PDE11A: variants seen among roughly 807,000 people sequenced by gnomAD.
PDE11A encodes the protein phosphodiesterase 11A, also known as dual 3',5'-cyclic-AMP and -GMP phosphodiesterase 11A.
PDE11A carries 100 observed loss-of-function variants against 100.5 expected under a neutral mutation model. The observed-to-expected ratio is 1.00, with a 90% CI of 0.85 to 1.18. The LOEUF (loss-of-function observed/expected upper bound fraction) is 1.18, where lower values mean the gene tolerates loss of function less well. PDE11A is among the 50% of genes most tolerant of loss of function. PDE11A has a pLI of 0.00. For missense variants in PDE11A, 1,141 were observed against 1,152.6 expected, an observed-to-expected ratio of 0.99 and a Z score of 0.15; for synonymous variants, 381 against 420.8, an observed-to-expected ratio of 0.91 and a Z score of 1.16.
chr2:177,820,866 G>A (rs971278523), intron 6 of PDE11A, among the ~76,000 whole-genome samples: 1 of 151,808 alleles, frequency 6.6e-6, no homozygotes, highest in African/African-American at 2.4e-5. Context: ...TATGTCAGGA[G>A]GTGACATTTA....
At chr2:177,761,831 A>T (rs1438997356) in intron 10 of PDE11A, among the ~76,000 whole-genome samples, 2 of 152,242 alleles carry the variant, frequency 1.3e-5, no homozygotes, top group Non-Finnish European at 2.9e-5. Flanking sequence ...AGGCTGGAAA[A>T]GTGAGCTGAA....
intron 2 of PDE11A, among the ~76,000 whole-genome samples, chr2:178,083,981 T>C (rs997763281): frequency 2.0e-5 from 3 of 152,226 alleles, no homozygotes; most frequent in Non-Finnish European, 4.4e-5. Context: ...TATGTATCAA[T>C]AGCCAATAGC....
chr2:177,895,263 C>A (rs2084592162), intron 4 of PDE11A, among the ~76,000 whole-genome samples: 1 of 151,932 alleles, frequency 6.6e-6, no homozygotes, highest in Non-Finnish European at 1.5e-5. Context: ...TTAAAAAATG[C>A]TATTCTGGGC....
At chr2:178,048,268 C>G (rs16866034) in intron 1 of PDE11A, among the ~76,000 whole-genome samples, 2,888 of 152,030 alleles carry the variant, frequency 0.019, 53 homozygotes, top group East Asian at 0.091. Context: ...AAGGTAACAC[C>G]TAGGGTTCTG....
intron 15 of PDE11A, chr2:177,683,488 G>A (rs1219204781): frequency 7.9e-5 from 12 of 152,340 alleles, no homozygotes; most frequent in East Asian, 1.9e-4. Context: ...CGAGCTCCCC[G>A]GAGAATCTCC....
chr2:178,061,168 GTGACTATTCTTAAGGCAGTATACGGTTC>G (rs1406555188), intron 1 of PDE11A, among the ~76,000 whole-genome samples: 1 of 151,896 alleles, frequency 6.6e-6, no homozygotes, highest in Non-Finnish European at 1.5e-5. Flanking sequence ...TGGAGAAGTT[GTGACTATTCTTAAGGCAGTATACGGTTC>G]TTGCCAAATT....
chr2:177,785,566 G>A (rs1022497962), intron 9 of PDE11A, among the ~76,000 whole-genome samples: 10 of 152,186 alleles, frequency 6.6e-5, no homozygotes, highest in African/African-American at 2.2e-4. Context: ...CCATGCATGA[G>A]CCGAAGTAGG....
chr2:177,795,579 G>T (rs1422020820), intron 9 of PDE11A, among the ~76,000 whole-genome samples: 1 of 152,118 alleles, frequency 6.6e-6, no homozygotes, highest in Non-Finnish European at 1.5e-5. Flanking sequence ...AAGACCTTCT[G>T]AAATGCCTTC....
intron 4 of PDE11A, among the ~76,000 whole-genome samples, chr2:177,880,352 C>A (rs571758327): frequency 6.6e-6 from 1 of 152,090 alleles, no homozygotes; most frequent in Non-Finnish European, 1.5e-5. Flanking sequence ...GCAGGTCAAC[C>A]CTATTTTTGT....
At chr2:177,802,432 A>G (rs1047353278) in intron 9 of PDE11A, among the ~76,000 whole-genome samples, 37 of 152,114 alleles carry the variant, frequency 2.4e-4, no homozygotes, top group Admixed American at 6.6e-4. Context: ...TTATTCACAC[A>G]GCCCCAAAAT....
chr2:177,848,610 G>T (rs1219452342), intron 5 of PDE11A, among the ~76,000 whole-genome samples: 1 of 152,132 alleles, frequency 6.6e-6, no homozygotes, highest in African/African-American at 2.4e-5. Context: ...AGAGCTTCAT[G>T]AGCTCAAATA....
chr2:177,706,675 A>G (rs2081284568), intron 13 of PDE11A, among the ~76,000 whole-genome samples: 1 of 152,202 alleles, frequency 6.6e-6, no homozygotes, highest in South Asian at 2.1e-4. Flanking sequence ...AGGTAGGTGC[A>G]GTGCCCCTGA....
At chr2:178,084,203 C>G (rs1047421044) in intron 2 of PDE11A, among the ~76,000 whole-genome samples, 12 of 152,200 alleles carry the variant, frequency 7.9e-5, no homozygotes, top group Non-Finnish European at 1.8e-4. Context: ...AAAATTAACA[C>G]TCCAAGGTAA....
At chr2:177,648,002 C>T (rs1035942195) in intron 19 of PDE11A, among the ~76,000 whole-genome samples, 1 of 152,046 alleles carries the variant, frequency 6.6e-6, no homozygotes, top group Non-Finnish European at 1.5e-5. Context: ...ATCCTAGCTA[C>T]TCAGGAGGCT....
intron 2 of PDE11A, among the ~76,000 whole-genome samples, chr2:178,009,911 A>G (rs1355537659): frequency 6.6e-6 from 1 of 152,208 alleles, no homozygotes; most frequent in African/African-American, 2.4e-5. Flanking sequence ...CAGGACATAC[A>G]AATCATATTA....
At chr2:177,798,566 T>C (rs17400931) in intron 9 of PDE11A, among the ~76,000 whole-genome samples, 24,450 of 152,216 alleles carry the variant, frequency 0.16, 2,493 homozygotes, top group Middle Eastern at 0.23. Context: ...CTGCAGACTA[T>C]TTGCAGAGAA....
intron 9 of PDE11A, among the ~76,000 whole-genome samples, chr2:177,796,535 G>T (rs1003779115): frequency 6.6e-6 from 1 of 152,106 alleles, no homozygotes; most frequent in African/African-American, 2.4e-5. Flanking sequence ...TGTGGAGGGG[G>T]ATCTAGGGGG....
intron 9 of PDE11A, among the ~76,000 whole-genome samples, chr2:177,798,612 T>G (rs957585625): frequency 6.6e-6 from 1 of 152,244 alleles, no homozygotes; most frequent in Non-Finnish European, 1.5e-5. Context: ...TCTTTTTTGT[T>G]GCTGTTAAAA....
intron 18 of PDE11A, among the ~76,000 whole-genome samples, chr2:177,665,579 G>A (rs949512648): frequency 1.2e-4 from 18 of 151,388 alleles, no homozygotes; most frequent in African/African-American, 4.3e-4. Flanking sequence ...TTCTGGGCTG[G>A]GTGTGGTGGC....
Sources: gnomAD v4.1 joint callset for allele counts (sites outside exome capture counted in the v4.1 genomes callset) on GRCh38, gnomAD v4.1.1 for gene constraint, MANE v1.5 for transcripts, NCBI Gene and HGNC (gene_info 2026-07-23, HGNC 2026-07-21) for gene names.